The following ZNF157 variants were observed in gnomAD, a reference collection of about 807,000 sequenced individuals.
The protein encoded by ZNF157 is zinc finger protein 157.
Under a neutral mutation model 9.4 loss-of-function variants are expected in ZNF157, and 8 were observed. The observed-to-expected ratio is 0.85, with a 90% CI of 0.50 to 1.53. The LOEUF is 1.53. ZNF157 is among the 40% of genes most tolerant of loss of function. The probability of loss-of-function intolerance (pLI) is 0.00; values close to 1 mark genes in which losing one functional copy is unlikely to be tolerated. For missense variants in ZNF157, 316 were observed against 385.2 expected, an observed-to-expected ratio of 0.82 and a Z score of 1.50; for synonymous variants, 120 against 130.8, an observed-to-expected ratio of 0.92 and a Z score of 0.56.
chrX:47,408,505 C>A (rs1441611358), intron 1 of ZNF157, among the ~76,000 whole-genome samples: 1 of 108,164 alleles, frequency 9.2e-6, no homozygotes, highest in African/African-American at 3.4e-5. Context: ...GTCTCAACCT[C>A]CTGGGCTCAA....
chrX:47,408,232 C>G (rs939358937), intron 1 of ZNF157, among the ~76,000 whole-genome samples: 5 of 111,043 alleles, frequency 4.5e-5, no homozygotes, highest in African/African-American at 1.6e-4. Flanking sequence ...GCCTCAGCCT[C>G]CTGAGTAGCT....
At chrX:47,395,934 C>G (rs2147408756) in intron 1 of ZNF157, among the ~76,000 whole-genome samples, 1 of 111,323 alleles carries the variant, frequency 9.0e-6, no homozygotes, top group African/African-American at 3.3e-5. Context: ...CCACTGCACT[C>G]CAGCCTGGGT....
chrX:47,371,123 C>A lies in ZNF157; in HGVS notation c.72+383C>A, dbSNP rs990722345. On this transcript the variant is annotated intron_variant, in intron 1 of 3. Coordinates refer to ENST00000377073, the MANE Select transcript of ZNF157 (RefSeq NM_003446.4). Reference sequence around the variant, plus strand: ...GAGGCCGAGGCGGGTGGATCACTTGCGGCCAGGAGTTTGAGACCAGCCTGG... The same window carrying A: ...GAGGCCGAGGCGGGTGGATCACTTGAGGCCAGGAGTTTGAGACCAGCCTGG... 9.0e-5 allele frequency among the ~76,000 whole-genome samples: 10 copies of A among 110,918 alleles called. 1 individual carries two copies. The highest frequency in any genetic ancestry group is 6.8e-4 in the Admixed American group (7 of 10,356).
chrX:47,373,007 C>T (rs2055833162), intron 1 of ZNF157, among the ~76,000 whole-genome samples: 1 of 108,214 alleles, frequency 9.2e-6, no homozygotes, highest in South Asian at 4.2e-4. Flanking sequence ...CAAGACTAGC[C>T]TGACCAACAT....
intron 1 of ZNF157, among the ~76,000 whole-genome samples, chrX:47,387,886 C>CAAAAAA (rs781763726): frequency 5.8e-5 from 2 of 34,532 alleles, no homozygotes; most frequent in Non-Finnish European, 9.3e-5. Context: ...GACTCTGTCT[C>CAAAAAA]AAAAAAAAAA....
chrX:47,410,475 T>C, intron 2 of ZNF157, 73 bp downstream of exon 2: 1 of 1,140,394 alleles, frequency 8.8e-7, no homozygotes, highest in Non-Finnish European at 1.2e-6. Flanking sequence ...TGTGCAGCCT[T>C]GCGAGGGTTT....
chrX:47,413,549 C>T lies in ZNF157; in HGVS notation c.1476C>T (p.His492=). 8.3e-7 allele frequency: 1 copy of T among 1,208,321 alleles called. No homozygotes were observed. ...KAHLTEHQRT[H]IGWSWRCTMK... is the part of the protein sequence containing the mutation. ...ACCTCACAGAACATCAGAGAACTCA[C>T]ATAGGCTGGTCCTGGCGTTGTACAA... The change falls in exon 4 of 4, where the codon CAC becomes CAT. Residue 492 remains histidine (H), a synonymous_variant. Transcript: ENST00000377073.
chrX:47,411,309 A>G (rs1256505396), intron 3 of ZNF157, among the ~76,000 whole-genome samples: 3 of 109,113 alleles, frequency 2.7e-5, no homozygotes, highest in Non-Finnish European at 5.7e-5. Flanking sequence ...TTTTTAAGTT[A>G]TTTACCACTC....
intron 1 of ZNF157, among the ~76,000 whole-genome samples, chrX:47,401,193 T>C (rs912426825): frequency 3.6e-5 from 4 of 112,264 alleles, no homozygotes; most frequent in African/African-American, 1.3e-4. Context: ...ATTTCAGGTT[T>C]CAAGATTATT....
At chrX:47,404,664 G>A (rs1316920812) in intron 1 of ZNF157, among the ~76,000 whole-genome samples, 2 of 111,427 alleles carry the variant, frequency 1.8e-5, no homozygotes, top group Non-Finnish European at 3.8e-5. Context: ...GACTGAATAT[G>A]ATGTTGTGAA....
chrX:47,390,591 G>A (rs546129711), intron 1 of ZNF157, among the ~76,000 whole-genome samples: 135 of 112,528 alleles, frequency 1.2e-3, no homozygotes, highest in Non-Finnish European at 1.8e-3. Flanking sequence ...TGTAATCCCA[G>A]CTACTCGGGA....
chrX:47,400,640 C>T (rs1325728027), intron 1 of ZNF157, among the ~76,000 whole-genome samples: 3 of 111,148 alleles, frequency 2.7e-5, no homozygotes, highest in Non-Finnish European at 5.7e-5. Flanking sequence ...GGTGTAGTAT[C>T]TTCTGTTTCT....
intron 1 of ZNF157, chrX:47,390,396 G>A (rs1435838121): frequency 8.9e-6 from 1 of 112,001 alleles, no homozygotes; most frequent in African/African-American, 3.2e-5. Flanking sequence ...GTGCTTCTTT[G>A]TCTTGTATAA....
chrX:47,392,887 G>C (rs775246350), intron 1 of ZNF157, among the ~76,000 whole-genome samples: 6 of 111,780 alleles, frequency 5.4e-5, no homozygotes, highest in Admixed American at 1.9e-4. Context: ...CGGGCATGGT[G>C]GCTCATGCCT....
intron 1 of ZNF157, among the ~76,000 whole-genome samples, chrX:47,404,167 G>C (rs1195871624): frequency 9.2e-6 from 1 of 108,719 alleles, no homozygotes; most frequent in African/African-American, 3.3e-5. Flanking sequence ...CAGACTGTTT[G>C]TTTGTTTGTT....
chrX:47,381,882 C>T (rs978125683), intron 1 of ZNF157, among the ~76,000 whole-genome samples: 5 of 111,625 alleles, frequency 4.5e-5, no homozygotes, highest in Admixed American at 2.9e-4. Flanking sequence ...ACCCTGTCAG[C>T]GGAAAGAGTC....
chrX:47,379,413 A>ATT (rs780089057), intron 1 of ZNF157, among the ~76,000 whole-genome samples: 42 of 94,123 alleles, frequency 4.5e-4, no homozygotes, highest in African/African-American at 1.0e-3. Flanking sequence ...TTTTGAGTTA[A>ATT]TTTTTTTTTT....
intron 1 of ZNF157, among the ~76,000 whole-genome samples, chrX:47,397,241 C>CTTTTTTTTTT (rs769178786): frequency 1.3e-5 from 1 of 77,789 alleles, no homozygotes; most frequent in Non-Finnish European, 2.4e-5. Flanking sequence ...TTTTTTCTTT[C>CTTTTTTTTTT]TTTTTTTTTT....
chrX:47,396,162 G>A (rs1267564659), intron 1 of ZNF157, among the ~76,000 whole-genome samples: 1 of 110,536 alleles, frequency 9.0e-6, no homozygotes, highest in Non-Finnish European at 1.9e-5. Context: ...AGTGGTGCAC[G>A]CCTGTAGTCC....
Sources: gnomAD v4.1 joint callset for allele counts (sites outside exome capture counted in the v4.1 genomes callset) on GRCh38, gnomAD v4.1.1 for gene constraint, MANE v1.5 for transcripts, NCBI Gene and HGNC (gene_info 2026-07-23, HGNC 2026-07-21) for gene names.